Variants in ATE1 observed in about 807,000 individuals in gnomAD.
ATE1 encodes arginyl-tRNA--protein transferase 1.
ATE1 carries 36 observed loss-of-function variants against 70.5 expected under a neutral mutation model. That is an observed-to-expected ratio of 0.51 (90% CI 0.39 to 0.67). ATE1 has a LOEUF of 0.67. ATE1 is among the 30% of genes least tolerant of loss of function. The pLI is 0.00. For synonymous variants in ATE1, 232 were observed against 219.3 expected, an observed-to-expected ratio of 1.06 and a Z score of -0.51; for missense variants, 593 against 629.5, an observed-to-expected ratio of 0.94 and a Z score of 0.62.
intron 2 of ATE1, among the ~76,000 whole-genome samples, chr10:121,922,804 G>A (rs193211204): frequency 6.6e-6 from 1 of 152,242 alleles, no homozygotes; most frequent in East Asian, 1.9e-4. Context: ...GCACCAGCAC[G>A]GAGTACCCCA....
At chr10:121,875,014 A>AAGGTGG (rs1462976983) in intron 7 of ATE1, among the ~76,000 whole-genome samples, 1 of 31,756 alleles carries the variant, frequency 3.1e-5, no homozygotes, top group African/African-American at 1.6e-4. Context: ...TTAGCCGGGC[A>AAGGTGG]CGTAGTCCCA....
intron 10 of ATE1, among the ~76,000 whole-genome samples, chr10:121,831,997 C>T (rs567466892): frequency 5.3e-5 from 8 of 152,296 alleles, no homozygotes; most frequent in Non-Finnish European, 1.0e-4. Context: ...ACAGAAATTA[C>T]AGTCTTAGCT....
At chr10:121,882,018 A>G (rs1950241516) in intron 7 of ATE1, among the ~76,000 whole-genome samples, 2 of 152,086 alleles carry the variant, frequency 1.3e-5, no homozygotes, top group South Asian at 4.2e-4. Context: ...ATGGTCTCAA[A>G]CTCCTCAACT....
intron 11 of ATE1, among the ~76,000 whole-genome samples, chr10:121,776,363 C>T (rs888435334): frequency 6.6e-6 from 1 of 151,748 alleles, no homozygotes; most frequent in Admixed American, 6.6e-5. Context: ...CAGTCATTGG[C>T]CTCATGAATA....
intron 11 of ATE1, among the ~76,000 whole-genome samples, chr10:121,789,273 G>C (rs1424422962): frequency 6.8e-6 from 1 of 146,622 alleles, no homozygotes; most frequent in African/African-American, 2.5e-5. Flanking sequence ...TCTGAATCCA[G>C]GAAGCCTAAC....
chr10:121,780,553 C>T (rs1044824379), intron 11 of ATE1, among the ~76,000 whole-genome samples: 23 of 152,220 alleles, frequency 1.5e-4, no homozygotes, highest in Admixed American at 7.8e-4. Flanking sequence ...TCTGCCAAAG[C>T]GCACTAGTGC....
chr10:121,906,129 A>T (rs961276986), intron 5 of ATE1, among the ~76,000 whole-genome samples: 3 of 152,122 alleles, frequency 2.0e-5, no homozygotes, highest in African/African-American at 7.2e-5. Context: ...ATGATGGCTC[A>T]TGTCTCTAAA....
At chr10:121,886,592 TCTTA>T (rs1339630676) in intron 7 of ATE1, among the ~76,000 whole-genome samples, 4 of 152,216 alleles carry the variant, frequency 2.6e-5, no homozygotes, top group African/African-American at 7.2e-5. Flanking sequence ...GTTAATAATA[TCTTA>T]CTTATTTTTA....
In ATE1 at chr10:121,794,861, T is replaced by TCATAACATATG. The variant is rs1406844016; in HGVS notation, c.1258-4573_1258-4572insCATATGTTATG. ...GTCCTTAAGGTTAAAACAGAGCCTGTTTTCCTTCATAACATAAACCTTGCG... is the reference window on the plus strand; with the variant it reads ...GTCCTTAAGGTTAAAACAGAGCCTGTCATAACATATGTTTCCTTCATAACATAAACCTTGCG... On this transcript the variant is annotated intron_variant, in intron 10 of 11. Transcript: ENST00000224652. Among the ~76,000 whole-genome samples the TCATAACATATG allele has an allele frequency of 7.9e-3, 1,195 of 152,176 alleles. 14 individuals are homozygous for TCATAACATATG. Among genetic ancestry groups the TCATAACATATG allele is most frequent in the African/African-American group, 0.028 (1,153 of 41,510 alleles).
intron 11 of ATE1, among the ~76,000 whole-genome samples, chr10:121,768,581 T>G (rs1461452344): frequency 6.6e-6 from 1 of 152,148 alleles, no homozygotes; most frequent in Non-Finnish European, 1.5e-5. Flanking sequence ...CCAGTTTCAC[T>G]GAGGAGCTGC....
chr10:121,882,358 T>G (rs1205743609), intron 7 of ATE1, among the ~76,000 whole-genome samples: 2 of 152,356 alleles, frequency 1.3e-5, no homozygotes, highest in East Asian at 3.9e-4. Context: ...ATCACTTACT[T>G]GCCCTTGACC....
intron 3 of ATE1, among the ~76,000 whole-genome samples, chr10:121,918,175 A>G (rs959362092): frequency 3.3e-5 from 5 of 152,194 alleles, no homozygotes; most frequent in African/African-American, 1.2e-4. Flanking sequence ...TCTACTAAAA[A>G]TACAAAAATT....
intron 11 of ATE1, among the ~76,000 whole-genome samples, chr10:121,751,285 T>G (rs772151865): frequency 5.3e-5 from 8 of 152,252 alleles, no homozygotes; most frequent in Non-Finnish European, 8.8e-5. Context: ...TTACATACCA[T>G]GTAATTCACC....
At chr10:121,824,069 C>G (rs1198343222) in intron 10 of ATE1, among the ~76,000 whole-genome samples, 1 of 152,144 alleles carries the variant, frequency 6.6e-6, no homozygotes. Flanking sequence ...TGACAGTGTT[C>G]TAAATAAGAA....
chr10:121,770,142 T>C (rs2135865920), intron 11 of ATE1, among the ~76,000 whole-genome samples: 1 of 151,882 alleles, frequency 6.6e-6, no homozygotes, highest in Middle Eastern at 3.4e-3. Context: ...AAACGAAGTA[T>C]AACATATCTA....
At chr10:121,871,319 T>G (rs1949850585) in intron 7 of ATE1, among the ~76,000 whole-genome samples, 1 of 151,938 alleles carries the variant, frequency 6.6e-6, no homozygotes, top group Non-Finnish European at 1.5e-5. Flanking sequence ...ATTAGCTGTG[T>G]GTGGTAGTGG....
At chr10:121,764,919 T>C (rs1945213631) in intron 11 of ATE1, among the ~76,000 whole-genome samples, 1 of 152,250 alleles carries the variant, frequency 6.6e-6, no homozygotes, top group Non-Finnish European at 1.5e-5. Context: ...AGAATAAATA[T>C]GAAGTGTCTG....
At chr10:121,760,894 A>T (rs1486468415) in intron 11 of ATE1, among the ~76,000 whole-genome samples, 1 of 152,130 alleles carries the variant, frequency 6.6e-6, no homozygotes, top group Non-Finnish European at 1.5e-5. Context: ...GCTATAATTC[A>T]TATGTTTGTC....
At chr10:121,797,387 A>ATT (rs1946699534) in intron 10 of ATE1, among the ~76,000 whole-genome samples, 1 of 152,078 alleles carries the variant, frequency 6.6e-6, no homozygotes, top group Non-Finnish European at 1.5e-5. Context: ...ACAATTCAGC[A>ATT]CTTTTTGTTT....
Sources: allele counts gnomAD v4.1 joint callset (sites outside exome capture counted in the v4.1 genomes callset), GRCh38; gene constraint gnomAD v4.1.1; transcripts MANE v1.5; gene names NCBI Gene and HGNC (gene_info 2026-07-23, HGNC 2026-07-21).